FAM13A: variants seen among roughly 807,000 people sequenced by gnomAD.
FAM13A encodes protein FAM13A.
FAM13A carries 76 observed loss-of-function variants against 129.6 expected under a neutral mutation model. The observed-to-expected ratio is 0.59, with a 90% CI of 0.49 to 0.71. The LOEUF is 0.71. Among genes scored for constraint, FAM13A ranks in the 30% least tolerant of loss-of-function variants. The pLI is 0.00. For missense variants in FAM13A, 1,108 were observed against 1,249.3 expected (o/e 0.89, Z 1.70); for synonymous variants, 443 against 449.9 (o/e 0.98, Z 0.20).
chr4:88,747,543 T>C (rs985763232), intron 18 of FAM13A, 88 bp downstream of exon 18: 13 of 1,081,224 alleles, frequency 1.2e-5, no homozygotes, highest in Non-Finnish European at 1.1e-5. Flanking sequence ...GGCATCATCT[T>C]CCCACTGGGA....
intron 6 of FAM13A, among the ~76,000 whole-genome samples, chr4:88,865,285 CTTAA>C (rs749312623): frequency 2.0e-5 from 3 of 152,038 alleles, no homozygotes; most frequent in Non-Finnish European, 4.4e-5. Flanking sequence ...AGTGTGATTT[CTTAA>C]TTAAAGGAAT....
chr4:88,834,034 T>C (rs988176402), intron 7 of FAM13A, among the ~76,000 whole-genome samples: 1 of 149,358 alleles, frequency 6.7e-6, no homozygotes, highest in Non-Finnish European at 1.5e-5. Flanking sequence ...GCTCTACAGG[T>C]GCACACCACC....
intron 13 of FAM13A, among the ~76,000 whole-genome samples, chr4:88,767,152 CA>C (rs1482036460): frequency 6.6e-6 from 1 of 152,160 alleles, no homozygotes; most frequent in Non-Finnish European, 1.5e-5. Flanking sequence ...TAAAGTAACT[CA>C]AAGTGAATTT....
rs138387348 is a variant in FAM13A at position 88,745,013 on chromosome 4, T to G, written c.2466+1919A>C. Among the ~76,000 whole-genome samples, 860 of 152,292 alleles carry G rather than the reference T, an allele frequency of 5.6e-3. 3 individuals are homozygous for G. Among genetic ancestry groups the G allele is most frequent in the Admixed American group, 6.5e-3 (100 of 15,294 alleles). On this transcript the variant is annotated intron_variant, in intron 19 of 23. Coordinates refer to ENST00000264344, the MANE Select transcript of FAM13A (RefSeq NM_014883.4). ...TGAAATGCACATTCTTTCGCCTGAT[T>G]TAATCATTTAATCAGAAGGAGGCCA...
chr4:88,803,111 C>T (rs905079007), intron 8 of FAM13A, among the ~76,000 whole-genome samples: 2 of 152,176 alleles, frequency 1.3e-5, no homozygotes, highest in African/African-American at 2.4e-5. Context: ...GATCTACTTC[C>T]GGTGAGTAAC....
intron 2 of FAM13A, 24 bp downstream of exon 2, chr4:89,029,436 A>T (rs1466696664): frequency 6.4e-7 from 1 of 1,563,728 alleles, no homozygotes; most frequent in Non-Finnish European, 8.7e-7. Flanking sequence ...GAAAATGAAC[A>T]GACTAAAGCA....
chr4:88,890,578 T>C (rs1352118432), intron 6 of FAM13A, among the ~76,000 whole-genome samples: 1 of 152,184 alleles, frequency 6.6e-6, no homozygotes, highest in Non-Finnish European at 1.5e-5. Flanking sequence ...TTAAAATATA[T>C]GTCTATGGAG....
At chr4:88,848,469 C>T (rs889581362) in intron 7 of FAM13A, among the ~76,000 whole-genome samples, 1 of 152,186 alleles carries the variant, frequency 6.6e-6, no homozygotes, top group Non-Finnish European at 1.5e-5. Context: ...ACACAATAAA[C>T]ACTGAAAAAC....
intron 10 of FAM13A, among the ~76,000 whole-genome samples, chr4:88,784,889 TA>T (rs1325696425): frequency 6.6e-6 from 1 of 152,204 alleles, no homozygotes; most frequent in African/African-American, 2.4e-5. Context: ...TTTAGCTGAA[TA>T]TTTTTACATA....
chr4:88,822,675 T>C (rs915241265), intron 7 of FAM13A, among the ~76,000 whole-genome samples: 4 of 152,206 alleles, frequency 2.6e-5, no homozygotes, highest in African/African-American at 4.8e-5. Context: ...AACTCGCTCA[T>C]TATACTTCTC....
Position 88,739,179 on chromosome 4 carries a change from G to A in FAM13A, c.2467-54C>T, listed in dbSNP as rs573963851. 67 of 1,206,578 alleles carry A rather than the reference G, an allele frequency of 5.6e-5. No homozygotes were observed. The East Asian group carries it at 1.3e-3, about 23-fold the overall frequency. 74.7% of individuals were successfully genotyped at this position (1,206,578 alleles called of 1,614,324 possible). On this transcript the variant is annotated intron_variant, in intron 19 of 23. Coordinates refer to ENST00000264344, the MANE Select transcript of FAM13A (RefSeq NM_014883.4). ...AGCCTGCTGCTGGGAGTCACAACCAGCTGTCTAAGCATGCTCTGGGCCTTT... is the reference window on the plus strand; with the variant it reads ...AGCCTGCTGCTGGGAGTCACAACCAACTGTCTAAGCATGCTCTGGGCCTTT...
rs1760849672 is a variant in FAM13A at position 88,975,998 on chromosome 4, C to CT, written c.605+14974dup. ...CCACCCACCAGCCATTTTATAGAGC[C>CT]TTAGGTCATCCTTTGTTAAATAAAA... On this transcript the variant is annotated intron_variant, in intron 4 of 23. Transcript: ENST00000264344. Among the ~76,000 whole-genome samples, 4 of 152,272 alleles carry CT rather than the reference C, an allele frequency of 2.6e-5. No individual in the cohort carries two copies. In the South Asian group the frequency reaches 8.3e-4, roughly 32 times the overall value.
intron 7 of FAM13A, among the ~76,000 whole-genome samples, chr4:88,809,059 A>C (rs1249249108): frequency 6.6e-6 from 1 of 152,168 alleles, no homozygotes; most frequent in East Asian, 1.9e-4. Flanking sequence ...TGACACCTAG[A>C]CTGATAATCT....
At chr4:88,848,691 G>A (rs56158219) in intron 7 of FAM13A, among the ~76,000 whole-genome samples, 46,953 of 152,004 alleles carry the variant, frequency 0.31, 7,787 homozygotes, top group South Asian at 0.53. Context: ...TCCTTTCCAT[G>A]GTTGTCATGG....
intron 5 of FAM13A, among the ~76,000 whole-genome samples, chr4:88,932,253 T>C (rs1239779172): frequency 6.6e-6 from 1 of 152,246 alleles, no homozygotes; most frequent in Non-Finnish European, 1.5e-5. Flanking sequence ...TGTTGTGTGA[T>C]CTTAAGCAAT....
At chr4:88,832,349 A>G (rs914996844) in intron 7 of FAM13A, among the ~76,000 whole-genome samples, 1 of 152,220 alleles carries the variant, frequency 6.6e-6, no homozygotes, top group Non-Finnish European at 1.5e-5. Context: ...TGATGAAAAC[A>G]CCAAAAGCAA....
intron 1 of FAM13A, among the ~76,000 whole-genome samples, chr4:89,031,381 T>C (rs576281264): frequency 2.6e-4 from 40 of 152,330 alleles, no homozygotes; most frequent in African/African-American, 8.2e-4. Context: ...GTTTAGAGCA[T>C]AGACTATGGA....
intron 13 of FAM13A, among the ~76,000 whole-genome samples, chr4:88,763,301 ATT>A (rs1745145309): frequency 1.3e-5 from 2 of 152,140 alleles, no homozygotes; most frequent in African/African-American, 4.8e-5. Context: ...TCATTCATTC[ATT>A]CATTCATACA....
At chr4:89,056,882 G>T in intron 1 of FAM13A, 56 bp downstream of exon 1, 1 of 1,528,720 alleles carries the variant, frequency 6.5e-7, no homozygotes, top group Non-Finnish European at 9.0e-7. Context: ...GGAAGGCAAG[G>T]CCCTCTCCTA....
Sources: gnomAD v4.1 joint callset for allele counts (sites outside exome capture counted in the v4.1 genomes callset) on GRCh38, gnomAD v4.1.1 for gene constraint, MANE v1.5 for transcripts, NCBI Gene and HGNC (gene_info 2026-07-23, HGNC 2026-07-21) for gene names.